The following FOXP2 variants were observed in gnomAD, a reference collection of about 807,000 sequenced individuals.
FOXP2 encodes the protein forkhead box protein P2.
In FOXP2, 12 loss-of-function variants were observed where a neutral mutation model predicts 115.8. The observed-to-expected ratio is 0.10, with a 90% CI of 0.07 to 0.17. The LOEUF is 0.17. Ranked by LOEUF, FOXP2 falls within the 10% of genes least tolerant of loss-of-function variation. FOXP2 has a pLI of 1.00. For synonymous variants in FOXP2, 328 were observed against 297.7 expected (o/e 1.10, Z -1.05); for missense variants, 629 against 843.5 (o/e 0.75, Z 3.15).
intron 1 of FOXP2, among the ~76,000 whole-genome samples, chr7:114,261,077 C>A (rs6961970): frequency 0.18 from 27,576 of 151,944 alleles, 2,836 homozygotes; most frequent in Non-Finnish European, 0.23. Context: ...AATGAAGTTC[C>A]CTTTTGTTTG....
intron 2 of FOXP2, among the ~76,000 whole-genome samples, chr7:114,529,991 AC>A (rs1408589779): frequency 1.3e-5 from 2 of 151,942 alleles, no homozygotes; most frequent in Admixed American, 6.6e-5. Context: ...ATTCAAAGTA[AC>A]ATGTTGAAGA....
At chr7:114,505,286 A>C (rs1797753831) in intron 2 of FOXP2, among the ~76,000 whole-genome samples, 1 of 151,528 alleles carries the variant, frequency 6.6e-6, no homozygotes, top group African/African-American at 2.4e-5. Flanking sequence ...GCTAATTACA[A>C]ATTATTCTTT....
intron 1 of FOXP2, among the ~76,000 whole-genome samples, chr7:114,176,298 T>TTCTTTCTTTCTCTCTCTCTC (rs368923204): frequency 2.1e-4 from 16 of 76,574 alleles, no homozygotes; most frequent in African/African-American, 8.6e-4. Context: ...CTTTCTTTCT[T>TTCTTTCTTTCTCTCTCTCTC]TCTCTCTCTC....
intron 2 of FOXP2, among the ~76,000 whole-genome samples, chr7:114,512,878 TCGATA>T (rs1798143704): frequency 2.0e-5 from 3 of 151,988 alleles, no homozygotes; most frequent in Admixed American, 2.0e-4. Flanking sequence ...GGTCAAGAGA[TCGATA>T]CCATCCTGGC....
At chr7:114,562,084 A>C (rs1264563703) in intron 3 of FOXP2, among the ~76,000 whole-genome samples, 2 of 152,094 alleles carry the variant, frequency 1.3e-5, no homozygotes, top group East Asian at 3.9e-4. Flanking sequence ...ACCCACCTGG[A>C]CTTCTTCCTG....
intron 2 of FOXP2, among the ~76,000 whole-genome samples, chr7:114,336,243 G>T (rs907070638): frequency 4.7e-5 from 7 of 150,346 alleles, no homozygotes; most frequent in African/African-American, 1.7e-4. Context: ...CTTGTCTCGG[G>T]GGGAAAACAT....
chr7:114,421,142 A>C (rs1220266655), intron 1 of FOXP2, among the ~76,000 whole-genome samples: 4 of 151,634 alleles, frequency 2.6e-5, no homozygotes, highest in Non-Finnish European at 1.5e-5. Context: ...CATTCTTTCA[A>C]ATTCTTCATT....
chr7:114,311,012 G>A (rs1053534134), intron 2 of FOXP2, among the ~76,000 whole-genome samples: 12 of 152,170 alleles, frequency 7.9e-5, no homozygotes, highest in Middle Eastern at 3.4e-3. Flanking sequence ...GTCTGCCTGC[G>A]CATGCTTGAG....
At chr7:114,173,205 CTTTAT>C (rs1793193726) in intron 1 of FOXP2, among the ~76,000 whole-genome samples, 1 of 151,676 alleles carries the variant, frequency 6.6e-6, no homozygotes. Flanking sequence ...CTAAGTGGGA[CTTTAT>C]TTTGTTAATT....
At chr7:114,091,125 C>T (rs1260423080) in intron 1 of FOXP2, among the ~76,000 whole-genome samples, 1 of 151,760 alleles carries the variant, frequency 6.6e-6, no homozygotes, top group Non-Finnish European at 1.5e-5. Context: ...GCTTACTTCC[C>T]TCTAAGTATT....
At chr7:114,625,933 A>G (rs1804549425) in intron 3 of FOXP2, among the ~76,000 whole-genome samples, 17 of 151,778 alleles carry the variant, frequency 1.1e-4, no homozygotes, top group Admixed American at 1.1e-3. Flanking sequence ...TTGTACACAT[A>G]GAAGTAGAGT....
rs34418914 is a variant in FOXP2 at position 114,164,980 on chromosome 7, T to TTATA, written c.-102+1903_-102+1906dup. Among the ~76,000 whole-genome samples the TTATA allele has an allele frequency of 1.1e-3, 161 of 150,266 alleles. 1 individual carries two copies. Among genetic ancestry groups the TTATA allele is most frequent in the Middle Eastern group, 6.8e-3 (2 of 294 alleles). On this transcript the variant is annotated intron_variant, in intron 1 of 17. Coordinates refer to the FOXP2 transcript ENST00000634411. ...TACCCCCCAAAATTATACAGTATGTTTATATATATATATAAAGTTCCAAAC... is the reference window on the plus strand; with the variant it reads ...TACCCCCCAAAATTATACAGTATGTTTATATATATATATATATAAAGTTCCAAAC...
intron 1 of FOXP2, among the ~76,000 whole-genome samples, chr7:114,099,651 G>A (rs1305883035): frequency 6.6e-6 from 1 of 152,100 alleles, no homozygotes; most frequent in Admixed American, 6.6e-5. Context: ...AAGAAACTGT[G>A]GTATATTCAG....
In FOXP2 at chr7:114,642,534, C is replaced by T. The variant is rs1805591758; in HGVS notation, c.900C>T (p.Thr300=). 1 of 1,613,786 alleles carries T rather than the reference C, an allele frequency of 6.2e-7. No homozygotes were observed. The highest frequency in any genetic ancestry group is 8.5e-7 in the Non-Finnish European group (1 of 1,179,952). The part of the protein sequence containing the change: ...DLTTNNSSST[T]SSNTSKASPP... ...CTACTAACAATTCCTCCTCGACTACCTCCTCCAACACTTCCAAAGCATCAC... is the reference window on the plus strand; with the variant it reads ...CTACTAACAATTCCTCCTCGACTACTTCCTCCAACACTTCCAAAGCATCAC... Residue 300 remains threonine, a synonymous_variant, in exon 7 of 17, where the codon ACC becomes ACT. Transcript: ENST00000350908.
chr7:114,590,172 C>T (rs1286723654), intron 3 of FOXP2, among the ~76,000 whole-genome samples: 1 of 152,078 alleles, frequency 6.6e-6, no homozygotes, highest in Non-Finnish European at 1.5e-5. Context: ...GTTTAGAGCA[C>T]AAATTTTGCT....
rs1190124247 is a variant in FOXP2 at position 114,587,880 on chromosome 7, A to ATATATATATATATATATATATATATATAT, written c.259-40660_259-40659insTATATATATATATATATATATATATATAT. Among the ~76,000 whole-genome samples the ATATATATATATATATATATATATATATAT allele has an allele frequency of 7.5e-4, 46 of 61,538 alleles. 3 individuals carry two copies. The highest frequency in any genetic ancestry group is 1.2e-3 in the Non-Finnish European group (32 of 27,608). 40.4% of individuals were successfully genotyped at this position (61,538 alleles called of 152,430 possible). Reference sequence around the variant, plus strand: ...TAATTGGGTGAATAAGAGATAATTAAATCCACCTTTCTTAGTGCCTTATTA... The same window carrying ATATATATATATATATATATATATATATAT: ...TAATTGGGTGAATAAGAGATAATTAATATATATATATATATATATATATATATATATCCACCTTTCTTAGTGCCTTATTA... On this transcript the variant is annotated intron_variant, in intron 3 of 16. Transcript: ENST00000350908.
At chr7:114,570,856 A>T in intron 3 of FOXP2, 1 of 1,612,094 alleles carries the variant, frequency 6.2e-7, no homozygotes, top group South Asian at 1.1e-5. Flanking sequence ...TCTTCTGGTG[A>T]TGGGCATCCT....
chr7:114,126,143 C>G (rs1584493430), intron 1 of FOXP2, among the ~76,000 whole-genome samples: 1 of 152,058 alleles, frequency 6.6e-6, no homozygotes, highest in East Asian at 1.9e-4. Flanking sequence ...GAATTAAGTG[C>G]TAAATAGATA....
intron 2 of FOXP2, among the ~76,000 whole-genome samples, chr7:114,342,698 G>C (rs1368402565): frequency 6.6e-6 from 1 of 151,386 alleles, no homozygotes; most frequent in Admixed American, 6.6e-5. Flanking sequence ...CCTGTCAAAA[G>C]CTTGTCCTTT....
Sources: allele counts gnomAD v4.1 joint callset (sites outside exome capture counted in the v4.1 genomes callset), GRCh38; gene constraint gnomAD v4.1.1; transcripts MANE v1.5; gene names NCBI Gene and HGNC (gene_info 2026-07-23, HGNC 2026-07-21).